The following CTTNBP2NL variants were observed in gnomAD, a reference collection of about 807,000 sequenced individuals.
CTTNBP2NL encodes the protein CTTNBP2 N-terminal like.
Under a neutral mutation model 32.5 loss-of-function variants are expected in CTTNBP2NL, and 16 were observed. The ratio of observed to expected loss-of-function variants is 0.49; its 90% CI spans 0.33 to 0.75. CTTNBP2NL has a LOEUF of 0.75. Among genes scored for constraint, CTTNBP2NL ranks in the 30% least tolerant of loss-of-function variants. CTTNBP2NL has a pLI of 0.02. For missense variants in CTTNBP2NL, 645 were observed against 756.0 expected (o/e 0.85, Z 1.72); for synonymous variants, 298 against 289.4 (o/e 1.03, Z -0.30).
Position 112,449,177 on chromosome 1 carries a change from G to A in CTTNBP2NL, c.330+5G>A. 1 of 1,515,504 alleles carries A rather than the reference G, an allele frequency of 6.6e-7. No individual in the cohort carries two copies. Among genetic ancestry groups the A allele is most frequent in the Non-Finnish European group, 9.2e-7 (1 of 1,091,144 alleles). 93.9% of individuals were successfully genotyped at this position (1,515,504 alleles called of 1,614,324 possible). A position where few individuals can be genotyped will look rare whatever the true frequency, so the allele number is the denominator to read the frequency against. On this transcript the variant is annotated splice_donor_5th_base_variant and intron_variant, in intron 4 of 5. Transcript: ENST00000271277. ...GCTGAGAGCAGGCACCGAAAGGTAGGTTCACCTCAGTTGATGTGTAAATCT... is the reference window on the plus strand; with the variant it reads ...GCTGAGAGCAGGCACCGAAAGGTAGATTCACCTCAGTTGATGTGTAAATCT...
chr1:112,456,354 G>A lies in CTTNBP2NL; in HGVS notation c.862G>A (p.Glu288Lys), dbSNP rs552682090. The A allele has an allele frequency of 4.3e-6, 7 of 1,614,066 alleles. No individual in the cohort carries two copies. In the South Asian group the frequency reaches 5.5e-5, roughly 13 times the overall value. Residue 288 changes from glutamate to lysine, a missense_variant, in exon 6 of 6, where the codon GAG (glutamate) becomes AAG (lysine). Glu to Lys is a moderately conservative substitution (Grantham distance 56). Coordinates refer to ENST00000271277, the MANE Select transcript of CTTNBP2NL (RefSeq NM_018704.3). ...TTCCCACCAGCACAGTAGCCCTAATGAGCAATTGAAGAAACCAGTAACCGT... is the reference window on the plus strand; with the variant it reads ...TTCCCACCAGCACAGTAGCCCTAATAAGCAATTGAAGAAACCAGTAACCGT... ...EASHQHSSPN[E>K]QLKKPVTVSK...
At chr1:112,428,049 T>C (rs1646238278) in intron 3 of CTTNBP2NL, among the ~76,000 whole-genome samples, 1 of 152,104 alleles carries the variant, frequency 6.6e-6, no homozygotes, top group Non-Finnish European at 1.5e-5. Context: ...ATTAAATATA[T>C]CCTTTAATCT....
chr1:112,454,587 T>C, intron 5 of CTTNBP2NL, 31 bp downstream of exon 5: 2 of 1,452,860 alleles, frequency 1.4e-6, no homozygotes, highest in Non-Finnish European at 1.9e-6. Context: ...CACAGTAGCA[T>C]TTGCCTGGAA....
chr1:112,455,396 G>C (rs963945793), intron 5 of CTTNBP2NL, among the ~76,000 whole-genome samples: 2 of 152,082 alleles, frequency 1.3e-5, no homozygotes, highest in African/African-American at 4.8e-5. Context: ...CCAGCTACCC[G>C]GGAGGCTGAG....
At chr1:112,416,596 C>G (rs1409985900) in intron 3 of CTTNBP2NL, among the ~76,000 whole-genome samples, 1 of 151,436 alleles carries the variant, frequency 6.6e-6, no homozygotes, top group Non-Finnish European at 1.5e-5. Flanking sequence ...CTCCTGCATT[C>G]AAGTTCCTGC....
At chr1:112,394,122 C>T (rs1016575133), upstream of CTTNBP2NL, among the ~76,000 whole-genome samples, 2 of 151,402 alleles carry the variant, frequency 1.3e-5, no homozygotes, top group African/African-American at 4.9e-5. Flanking sequence ...AGGAGAATCG[C>T]TTGAACCCAG....
intron 1 of CTTNBP2NL, among the ~76,000 whole-genome samples, chr1:112,411,869 A>T (rs952632133): frequency 9.2e-5 from 14 of 152,306 alleles, no homozygotes; most frequent in Middle Eastern, 3.4e-3. Flanking sequence ...CGTTGTGCTT[A>T]AGTCATGGTG....
At position 112,408,448 on chromosome 1, in the gene CTTNBP2NL, A is replaced by T. The variant is rs192571256; in HGVS notation, c.-133-3746A>T. On this transcript the variant is annotated intron_variant, in intron 1 of 5. Coordinates refer to ENST00000271277, the MANE Select transcript of CTTNBP2NL (RefSeq NM_018704.3). ...CCATTTAGAATGTTGTCACTCTTTT[A>T]TCCCAAATGAATAAATAATCCTTCT... 1.5e-3 allele frequency among the ~76,000 whole-genome samples: 233 copies of T among 152,214 alleles called. 2 individuals are homozygous for T. The highest frequency in any genetic ancestry group is 5.5e-3 in the African/African-American group (227 of 41,552).
At chr1:112,417,783 A>T (rs1452243340) in intron 3 of CTTNBP2NL, among the ~76,000 whole-genome samples, 2 of 152,222 alleles carry the variant, frequency 1.3e-5, no homozygotes, top group African/African-American at 4.8e-5. Context: ...TGAGAAAAGT[A>T]ACTGCCATAG....
chr1:112,400,048 A>G (rs987093487), intron 1 of CTTNBP2NL, among the ~76,000 whole-genome samples: 5 of 152,230 alleles, frequency 3.3e-5, no homozygotes, highest in South Asian at 2.1e-4. Context: ...CAGCCTGGGC[A>G]AGAAGAGAGA....
chr1:112,441,171 A>G (rs1456068664), intron 3 of CTTNBP2NL, among the ~76,000 whole-genome samples: 2 of 152,168 alleles, frequency 1.3e-5, no homozygotes, highest in African/African-American at 4.8e-5. Flanking sequence ...CATTCTTATC[A>G]CACCAGGATC....
chr1:112,410,598 C>T (rs1293866771), intron 1 of CTTNBP2NL, among the ~76,000 whole-genome samples: 2 of 152,144 alleles, frequency 1.3e-5, no homozygotes, highest in Admixed American at 1.3e-4. Context: ...AATTTGTCTA[C>T]AAGTGGTTTT....
chr1:112,449,048 A>G lies in CTTNBP2NL; in HGVS notation c.206A>G (p.Asp69Gly). Residue 69 changes from aspartate to glycine, a missense_variant, in exon 4 of 6, where the codon GAT (aspartate) becomes GGT (glycine). By Grantham distance (94) the Asp-to-Gly change is moderately conservative. Transcript: ENST00000271277. Reference sequence around the variant, plus strand: ...TTTGAAACACTGAAGGAGAAAAATGATGGCGAAAAGCAGCCAGTCTGCACA... The same window carrying G: ...TTTGAAACACTGAAGGAGAAAAATGGTGGCGAAAAGCAGCCAGTCTGCACA... ...RDFETLKEKN[D>G]GEKQPVCTNP... 6.2e-7 allele frequency: 1 copy of G among 1,612,464 alleles called. No homozygotes were observed. Among genetic ancestry groups the G allele is most frequent in the Non-Finnish European group, 8.5e-7 (1 of 1,178,444 alleles).
chr1:112,442,830 A>G (rs1167149638), intron 3 of CTTNBP2NL, among the ~76,000 whole-genome samples: 7 of 152,020 alleles, frequency 4.6e-5, no homozygotes, highest in Non-Finnish European at 2.9e-5. Context: ...AGCTGGGATT[A>G]CAGGCGCCCA....
intron 3 of CTTNBP2NL, among the ~76,000 whole-genome samples, chr1:112,429,340 ATATC>A (rs1337355131): frequency 6.6e-6 from 1 of 152,218 alleles, no homozygotes; most frequent in East Asian, 1.9e-4. Context: ...GAGTTTGGCA[ATATC>A]TATCAAATTT....
chr1:112,430,180 TC>T (rs1479748039), intron 3 of CTTNBP2NL, among the ~76,000 whole-genome samples: 1 of 82,270 alleles, frequency 1.2e-5, no homozygotes, highest in Non-Finnish European at 2.9e-5. Flanking sequence ...TCTTTTCTTT[TC>T]TTTTCTTTTC....
Position 112,459,446 on chromosome 1 carries a change from A to G in CTTNBP2NL, c.*2034A>G, listed in dbSNP as rs747699509. On this transcript the variant is annotated 3_prime_UTR_variant, in exon 6 of 6. Coordinates refer to ENST00000271277, the MANE Select transcript of CTTNBP2NL (RefSeq NM_018704.3). ...TGACCTCCTGCTATAATTTAAGTCT[A>G]TTTCCTTTTAATCTAATAAGAGTTG... The G allele has an allele frequency of 2.6e-5, 4 of 152,188 alleles. No individual in the cohort carries two copies. The highest frequency in any genetic ancestry group is 4.8e-5 in the African/African-American group (2 of 41,428). 9.4% of individuals were successfully genotyped at this position (152,188 alleles called of 1,614,324 possible).
In CTTNBP2NL at chr1:112,452,645, C is replaced by CTTTTTTTTTTTTTTT. The variant is rs34842059; in HGVS notation, c.331-1791_331-1790insTTTTTTTTTTTTTTT. ...AGGCATGAGCCACCACTCCTGGCCT[C>CTTTTTTTTTTTTTTT]TTTTTTTTTTTTTGAGACAAAGTCT... On this transcript the variant is annotated intron_variant, in intron 4 of 5. Transcript: ENST00000271277. Among the ~76,000 whole-genome samples, 250 of 133,050 alleles carry CTTTTTTTTTTTTTTT rather than the reference C, an allele frequency of 1.9e-3. 13 individuals carry two copies. Among genetic ancestry groups the CTTTTTTTTTTTTTTT allele is most frequent in the African/African-American group, 7.3e-3 (236 of 32,176 alleles). 87.3% of individuals were successfully genotyped at this position (133,050 alleles called of 152,430 possible). A position where few individuals can be genotyped will look rare whatever the true frequency, so the allele number is the denominator to read the frequency against.
intron 3 of CTTNBP2NL, among the ~76,000 whole-genome samples, chr1:112,432,066 A>ATTTTTTTTT (rs11440212): frequency 6.5e-4 from 59 of 91,048 alleles, no homozygotes; most frequent in African/African-American, 8.5e-4. Flanking sequence ...ATATATTTTG[A>ATTTTTTTTT]TTTTTTTTTT....
Sources: allele counts gnomAD v4.1 joint callset (sites outside exome capture counted in the v4.1 genomes callset), GRCh38; gene constraint gnomAD v4.1.1; transcripts MANE v1.5; gene names NCBI Gene and HGNC (gene_info 2026-07-23, HGNC 2026-07-21).